ZNF133: variants seen among roughly 807,000 people sequenced by gnomAD.
The protein encoded by ZNF133 is zinc finger protein 133 (clone pHZ-13).
Under a neutral mutation model 54.9 loss-of-function variants are expected in ZNF133, and 26 were observed. The ratio of observed to expected loss-of-function variants is 0.47; its 90% CI spans 0.35 to 0.66. ZNF133 has a LOEUF of 0.66. Ranked by LOEUF, ZNF133 falls within the 30% of genes least tolerant of loss-of-function variation. ZNF133 has a pLI of 0.01. For synonymous variants in ZNF133, 298 were observed against 320.3 expected, an observed-to-expected ratio of 0.93 and a Z score of 0.74; for missense variants, 653 against 820.8, an observed-to-expected ratio of 0.80 and a Z score of 2.50.
In ZNF133 at chr20:18,296,754, C is replaced by T. The variant is rs1279344366; in HGVS notation, c.-431-1231C>T. 3.3e-5 allele frequency among the ~76,000 whole-genome samples: 5 copies of T among 152,316 alleles called. No homozygotes were observed. In the South Asian group the frequency reaches 1.0e-3, roughly 32 times the overall value. ...GAGCGCACAAGTATCTGTTCGAGTT[C>T]TTCCCTTCAGTTCTTTTGCGTATAT... On this transcript the variant is annotated intron_variant, in intron 1 of 6. Coordinates refer to ENST00000425686, the MANE Select transcript of ZNF133 (RefSeq NM_001352452.2).
intron 1 of ZNF133, among the ~76,000 whole-genome samples, chr20:18,297,483 T>G (rs1178587470): frequency 6.6e-6 from 1 of 152,178 alleles, no homozygotes; most frequent in Non-Finnish European, 1.5e-5. Flanking sequence ...ATATTTAATG[T>G]AGCTTAATGT....
rs555722569 is a variant in ZNF133, at chr20:18,294,104, A to G, written c.-431-3881A>G. Among the ~76,000 whole-genome samples the G allele has an allele frequency of 1.1e-3, 164 of 152,288 alleles. 1 individual carries two copies. Among genetic ancestry groups the G allele is most frequent in the African/African-American group, 3.6e-3 (151 of 41,560 alleles). On this transcript the variant is annotated intron_variant, in intron 1 of 6. Transcript: ENST00000425686. Reference sequence around the variant, plus strand: ...TAAAGGGAAATGTAGTGACTTTACAATGGAGAAGCTCAGAAGACACCCCCT... The same window carrying G: ...TAAAGGGAAATGTAGTGACTTTACAGTGGAGAAGCTCAGAAGACACCCCCT...
chr20:18,298,037 C>G lies in ZNF133; in HGVS notation c.-379C>G, dbSNP rs766942713. On this transcript the variant is annotated 5_prime_UTR_variant, in exon 2 of 7. Transcript: ENST00000425686. The stretch of plus-strand genomic sequence containing the variant: ...TCAGGGAGATAAGGAAAAAAAGCCA[C>G]AGGGTCCCGGAGAGCCAGGGGAATG... 1.3e-6 allele frequency: 2 copies of G among 1,535,374 alleles called. No homozygotes were observed. Among genetic ancestry groups the G allele is most frequent in the African/African-American group, 2.7e-5 (2 of 73,014 alleles).
At chr20:18,309,643 T>C (rs2045417719) in intron 6 of ZNF133, among the ~76,000 whole-genome samples, 1 of 152,156 alleles carries the variant, frequency 6.6e-6, no homozygotes, top group African/African-American at 2.4e-5. Flanking sequence ...TGGAGCACCC[T>C]GAGAGTGCTG....
chr20:18,292,707 C>T (rs2041322384), intron 1 of ZNF133, among the ~76,000 whole-genome samples: 3 of 152,224 alleles, frequency 2.0e-5, no homozygotes, highest in Admixed American at 6.5e-5. Context: ...CCATCTTTCT[C>T]CTCTAGACTT....
intron 3 of ZNF133, among the ~76,000 whole-genome samples, chr20:18,304,232 T>G (rs998499999): frequency 1.3e-5 from 2 of 152,204 alleles, no homozygotes; most frequent in Non-Finnish European, 2.9e-5. Context: ...GTATGGCTAT[T>G]ACTTTAAAAA....
At chr20:18,296,758 C>T (rs1342957291) in intron 1 of ZNF133, among the ~76,000 whole-genome samples, 1 of 152,152 alleles carries the variant, frequency 6.6e-6, no homozygotes, top group Non-Finnish European at 1.5e-5. Flanking sequence ...CGAGTTCTTC[C>T]CTTCAGTTCT....
chr20:18,307,528 T>C (rs1053373859), intron 6 of ZNF133, among the ~76,000 whole-genome samples: 1 of 152,248 alleles, frequency 6.6e-6, no homozygotes, highest in African/African-American at 2.4e-5. Context: ...TCCATACTTT[T>C]GGTATTCAGC....
chr20:18,315,578 G>A lies in ZNF133; in HGVS notation c.727G>A (p.Val243Met), dbSNP rs1471451646. The part of the protein sequence containing the change: ...QRIHSGEKPY[V>M]CGVCEKGFSL... Reference sequence around the variant, plus strand: ...GATACACTCAGGGGAGAAGCCCTACGTGTGTGGGGTATGTGAGAAGGGCTT... The same window carrying A: ...GATACACTCAGGGGAGAAGCCCTACATGTGTGGGGTATGTGAGAAGGGCTT... The change falls in exon 7 of 7, where the codon GTG becomes ATG. Residue 243 changes from valine to methionine, a missense_variant. Val to Met is a conservative substitution (Grantham distance 21, BLOSUM62 1). Around this residue, in one of 4 missense-constraint regions of ZNF133, gnomAD observed 292 missense variants for 431.6 expected, o/e 0.68. Transcript: ENST00000425686. 9.9e-6 allele frequency: 16 copies of A among 1,614,000 alleles called. No individual in the cohort carries two copies. The highest frequency in any genetic ancestry group is 2.2e-5 in the South Asian group (2 of 91,084).
rs1245974555 is a variant in ZNF133 at position 18,305,532 on chromosome 20, G to A, written c.-6-149G>A. The A allele has an allele frequency of 1.2e-5, 14 of 1,135,138 alleles. No homozygotes were observed. The highest frequency in any genetic ancestry group is 1.7e-5 in the Non-Finnish European group (14 of 803,940). 70.3% of individuals were successfully genotyped at this position (1,135,138 alleles called of 1,614,324 possible). On this transcript the variant is annotated intron_variant, in intron 4 of 6. Coordinates refer to ENST00000425686, the MANE Select transcript of ZNF133 (RefSeq NM_001352452.2). The surrounding 1 kb of genome is among the most constrained non-coding windows in gnomAD (Gnocchi z 4.7). ...AATGCCACTGGCTGGATTGAGACAG[G>A]GATTTAAAAGTCTTGGAACACATGG...
At chr20:18,307,228 CTTTTT>C (rs2044843699) in intron 6 of ZNF133, among the ~76,000 whole-genome samples, 1 of 151,952 alleles carries the variant, frequency 6.6e-6, no homozygotes, top group Non-Finnish European at 1.5e-5. Context: ...ATTTTCTGTT[CTTTTT>C]GTTTGTTTGA....
chr20:18,306,334 T>A lies in ZNF133; in HGVS notation c.158T>A (p.Leu53Gln). Reference protein sequence around the residue: ...SFSKPELITQLEQGKETWREE... With the variant: ...SFSKPELITQQEQGKETWREE... ...TCTAAACCAGAACTCATCACCCAGC[T>A]GGAGCAAGGGAAAGAGACCTGGAGA... The change falls in exon 6 of 7, where the codon CTG becomes CAG. Residue 53 changes from leucine to glutamine, a missense_variant. Leu to Gln is a moderately radical substitution (Grantham distance 113). Transcript: ENST00000425686. 6.2e-7 allele frequency: 1 copy of A among 1,613,970 alleles called. No homozygotes were observed. Among genetic ancestry groups the A allele is most frequent in the Non-Finnish European group, 8.5e-7 (1 of 1,179,952 alleles).
chr20:18,307,771 C>T (rs539291171), intron 6 of ZNF133, among the ~76,000 whole-genome samples: 23 of 152,228 alleles, frequency 1.5e-4, no homozygotes, highest in African/African-American at 5.5e-4. Context: ...TTTGTCATTT[C>T]CAATGTGCTA....
chr20:18,309,872 C>T (rs1410684111), intron 6 of ZNF133, among the ~76,000 whole-genome samples: 2 of 152,136 alleles, frequency 1.3e-5, no homozygotes, highest in African/African-American at 2.4e-5. Flanking sequence ...CAAAAATCTT[C>T]CTCTCAAGGA....
Position 18,305,236 on chromosome 20 carries a change from G to A in ZNF133, c.-7+58G>A. 1.0e-6 allele frequency: 1 copy of A among 981,704 alleles called. No homozygotes were observed. Among genetic ancestry groups the A allele is most frequent in the Non-Finnish European group, 1.2e-6 (1 of 825,460 alleles). The allele number at this position is 981,704 out of a possible 1,614,324, so 60.8% of individuals were successfully genotyped here. A position where few individuals can be genotyped will look rare whatever the true frequency, so the allele number is the denominator to read the frequency against. On this transcript the variant is annotated intron_variant, in intron 4 of 6. Transcript: ENST00000425686. This position sits in a 1 kb window ranked among gnomAD's most constrained non-coding sequence, Gnocchi z 4.7. ...GGTGGGTCTGAAACTCAGGCACCATGATTCCAGGGCTTCACTACTCTCTGC... is the reference window on the plus strand; with the variant it reads ...GGTGGGTCTGAAACTCAGGCACCATAATTCCAGGGCTTCACTACTCTCTGC...
At position 18,316,760 on chromosome 20, in the gene ZNF133, C is replaced by T. The variant is rs1044080715; in HGVS notation, c.1909C>T (p.Gln637Ter). Reference sequence around the variant, plus strand: ...GTCTGTCCACCACAGACTGCCAGTGCAGCCCGACCCTGAGCCGTGTGCAGG... The same window carrying T: ...GTCTGTCCACCACAGACTGCCAGTGTAGCCCGACCCTGAGCCGTGTGCAGG... ...TTSVHHRLPV[Q>*]PDPEPCAGQP... is the part of the protein sequence containing the mutation. The change falls in exon 7 of 7, where the codon CAG becomes TAG. Residue 637 changes from glutamine (Q) to a stop codon, truncating the protein, a stop_gained. Coordinates refer to ENST00000425686, the MANE Select transcript of ZNF133 (RefSeq NM_001352452.2). LOFTEE classifies it low-confidence loss of function (END_TRUNC). The T allele has an allele frequency of 6.2e-7, 1 of 1,614,154 alleles. No individual in the cohort carries two copies. Among genetic ancestry groups the T allele is most frequent in the Non-Finnish European group, 8.5e-7 (1 of 1,180,004 alleles).
Position 18,316,569 on chromosome 20 carries a change from C to T in ZNF133, c.1718C>T (p.Ser573Leu), listed in dbSNP as rs145487945. 62 of 1,614,086 alleles carry T rather than the reference C, an allele frequency of 3.8e-5. No homozygotes were observed. The highest frequency in any genetic ancestry group is 1.8e-4 in the East Asian group (8 of 44,856). The change falls in exon 7 of 7, where the codon TCG (serine) becomes TTG (leucine). Residue 573 changes from serine (S) to leucine (L), a missense_variant. Coordinates refer to ENST00000425686, the MANE Select transcript of ZNF133 (RefSeq NM_001352452.2). ...SALITHKRAH[S>L]EEKPCVCREC... is the part of the protein sequence containing the mutation. Reference sequence around the variant, plus strand: ...CTAATTACACACAAGCGGGCTCACTCGGAAGAGAAGCCTTGTGTGTGCAGA... The same window carrying T: ...CTAATTACACACAAGCGGGCTCACTTGGAAGAGAAGCCTTGTGTGTGCAGA...
At chr20:18,294,504 C>A (rs1400130013) in intron 1 of ZNF133, among the ~76,000 whole-genome samples, 1 of 152,128 alleles carries the variant, frequency 6.6e-6, no homozygotes, top group Non-Finnish European at 1.5e-5. Context: ...TAATTTCCTG[C>A]TTTTGATGAT....
At chr20:18,299,980 A>G (rs1900339620) in intron 3 of ZNF133, among the ~76,000 whole-genome samples, 2 of 152,216 alleles carry the variant, frequency 1.3e-5, no homozygotes, top group African/African-American at 4.8e-5. Flanking sequence ...AAAGGACTTT[A>G]GACAGTTACA....
Sources: allele counts gnomAD v4.1 joint callset (sites outside exome capture counted in the v4.1 genomes callset), GRCh38; gene constraint gnomAD v4.1.1; regional missense constraint gnomAD v4.1.1; non-coding constraint Gnocchi (gnomAD v3.1); transcripts MANE v1.5; gene names NCBI Gene and HGNC (gene_info 2026-07-23, HGNC 2026-07-21).